Variants in DDX19B observed in about 807,000 individuals in gnomAD.
The protein encoded by DDX19B is ATP-dependent RNA helicase DDX19B.
In DDX19B, 27 loss-of-function variants were observed where a neutral mutation model predicts 58.1. That is an observed-to-expected ratio of 0.46 (90% CI 0.34 to 0.64). The LOEUF is 0.64. Ranked by LOEUF, DDX19B falls within the 30% of genes least tolerant of loss-of-function variation. The pLI, the probability that DDX19B is intolerant of heterozygous loss-of-function variation, is 0.01. For synonymous variants in DDX19B, 187 were observed against 214.4 expected, an observed-to-expected ratio of 0.87 and a Z score of 1.12; for missense variants, 399 against 596.5, an observed-to-expected ratio of 0.67 and a Z score of 3.45.
At chr16:70,294,687 G>A, upstream of DDX19B, 1 of 497,102 alleles carries the variant, frequency 2.0e-6, no homozygotes, top group Non-Finnish European at 3.4e-6. Flanking sequence ...GCTTGCGCTT[G>A]TCTTTGGCCC....
chr16:70,329,735 C>T, intron 8 of DDX19B, 96 bp from the exon 9 acceptor site: 1 of 1,530,802 alleles, frequency 6.5e-7, no homozygotes, highest in South Asian at 1.2e-5. Flanking sequence ...CTCCCATCAG[C>T]CTTCCTGGGC....
chr16:70,304,434 G>A (rs1471161412), intron 1 of DDX19B, among the ~76,000 whole-genome samples: 1 of 149,212 alleles, frequency 6.7e-6, no homozygotes, highest in Non-Finnish European at 1.5e-5. Flanking sequence ...GTGCAGTGGC[G>A]TGATCTCAGC....
chr16:70,328,700 T>C (rs1963308688), intron 7 of DDX19B, among the ~76,000 whole-genome samples: 1 of 152,096 alleles, frequency 6.6e-6, no homozygotes, highest in African/African-American at 2.4e-5. Context: ...TATTGTTGAC[T>C]GTAGTCACCA....
intron 1 of DDX19B, 67 bp downstream of exon 1, chr16:70,299,421 A>G (rs2152182031): frequency 6.6e-7 from 1 of 1,503,974 alleles, no homozygotes; most frequent in East Asian, 2.5e-5. Flanking sequence ...TCCCTGGGAA[A>G]GAATGTTTCC....
intron 1 of DDX19B, among the ~76,000 whole-genome samples, chr16:70,310,797 G>T (rs952216770): frequency 1.1e-4 from 17 of 152,004 alleles, no homozygotes; most frequent in African/African-American, 4.1e-4. Context: ...TTGGGAGGCC[G>T]AGGCAGGGAG....
At chr16:70,292,808 G>A (rs1299922993), upstream of DDX19B, among the ~76,000 whole-genome samples, 3 of 151,384 alleles carry the variant, frequency 2.0e-5, no homozygotes, top group Non-Finnish European at 2.9e-5. Context: ...AGCCTGGGCC[G>A]CAGAGTGAAA....
At chr16:70,332,463 G>C (rs1010864827) in intron 10 of DDX19B, among the ~76,000 whole-genome samples, 2 of 152,122 alleles carry the variant, frequency 1.3e-5, no homozygotes, top group African/African-American at 4.8e-5. Context: ...ACCAAGCCCA[G>C]CTAATTTTTG....
At chr16:70,332,413 G>A (rs369609764) in intron 10 of DDX19B, among the ~76,000 whole-genome samples, 25 of 152,160 alleles carry the variant, frequency 1.6e-4, no homozygotes, top group African/African-American at 4.3e-4. Flanking sequence ...TGATTCTCCC[G>A]CCTCAGCCTC....
At chr16:70,309,457 T>C (rs1961963368) in intron 1 of DDX19B, among the ~76,000 whole-genome samples, 2 of 152,072 alleles carry the variant, frequency 1.3e-5, no homozygotes, top group South Asian at 4.1e-4. Context: ...ATCACGCCAC[T>C]GCACTTCAGC....
In DDX19B at chr16:70,320,960, C is replaced by CT. The variant is rs904476486; in HGVS notation, c.389+3391dup. On this transcript the variant is annotated intron_variant, in intron 5 of 11. Transcript: ENST00000288071. ...TACAGGTATGAGGCACCACACTAGG[C>CT]TTTTTTTTTTTTTTTTTTTGAGACG... Among the ~76,000 whole-genome samples, 908 of 108,640 alleles carry CT rather than the reference C, an allele frequency of 8.4e-3. 18 individuals are homozygous for CT. Among genetic ancestry groups the CT allele is most frequent in the African/African-American group, 0.013 (371 of 29,284 alleles). The allele number at this position is 108,640 out of a possible 152,430, so 71.3% of individuals were successfully genotyped here. A position where few individuals can be genotyped will look rare whatever the true frequency, so the allele number is the denominator to read the frequency against.
intron 4 of DDX19B, among the ~76,000 whole-genome samples, chr16:70,316,367 G>A (rs971855721): frequency 4.6e-5 from 7 of 151,976 alleles, no homozygotes; most frequent in Non-Finnish European, 2.9e-5. Flanking sequence ...ACACCACCAC[G>A]CCTGGCTACT....
intron 5 of DDX19B, among the ~76,000 whole-genome samples, chr16:70,324,348 G>C (rs1169127319): frequency 8.9e-6 from 1 of 112,716 alleles, no homozygotes; most frequent in Non-Finnish European, 1.7e-5. Flanking sequence ...GGTCAACAGA[G>C]TGAGACCTAA....
chr16:70,294,984 C>G, upstream of DDX19B: 1 of 1,411,854 alleles, frequency 7.1e-7, no homozygotes, highest in South Asian at 1.5e-5. Context: ...CTCGCCCCTA[C>G]TCCTGGGTAG....
intron 1 of DDX19B, among the ~76,000 whole-genome samples, chr16:70,308,832 T>C (rs1386950779): frequency 6.6e-6 from 1 of 151,820 alleles, no homozygotes; most frequent in African/African-American, 2.4e-5. Flanking sequence ...TTTTTAAAGT[T>C]CTAGGGTGCA....
intron 3 of DDX19B, 148 bp downstream of exon 3, chr16:70,315,103 A>T: frequency 1.3e-6 from 1 of 741,522 alleles, no homozygotes; most frequent in Non-Finnish European, 2.1e-6. Flanking sequence ...GGGGCCGGGC[A>T]CGGTGGCTTA....
At chr16:70,291,836 A>AT (rs776314431), upstream of DDX19B, among the ~76,000 whole-genome samples, 2 of 151,288 alleles carry the variant, frequency 1.3e-5, no homozygotes, top group African/African-American at 2.4e-5. Context: ...ATAAATAAGA[A>AT]TTTTTTATTC....
In DDX19B at chr16:70,331,786, T is replaced by C; in HGVS notation, c.1088T>C (p.Leu363Pro). Residue 363 changes from leucine (L) to proline (P), a missense_variant, in exon 10 of 12, where the codon CTG becomes CCG. Around this residue, in one of 4 missense-constraint regions of DDX19B, gnomAD observed 198 missense variants for 345.9 expected, o/e 0.57. Coordinates refer to ENST00000288071, the MANE Select transcript of DDX19B (RefSeq NM_007242.7). ...AAAGAAGGCCACCAGGTGGCTCTGC[T>C]GAGTGGGGAGATGATGGTGGAACAG... ...LSKEGHQVAL[L>P]SGEMMVEQRA... 1 of 1,614,184 alleles carries C rather than the reference T, an allele frequency of 6.2e-7. No individual in the cohort carries two copies. The highest frequency in any genetic ancestry group is 8.5e-7 in the Non-Finnish European group (1 of 1,180,038).
At chr16:70,304,208 T>C (rs1961628183) in intron 1 of DDX19B, among the ~76,000 whole-genome samples, 1 of 151,482 alleles carries the variant, frequency 6.6e-6, no homozygotes, top group Non-Finnish European at 1.5e-5. Context: ...GCCCAGCTAA[T>C]TTTTGTATTT....
chr16:70,315,037 C>A (rs552562341), intron 3 of DDX19B, 82 bp downstream of exon 3: 177 of 1,479,238 alleles, frequency 1.2e-4, no homozygotes, highest in Non-Finnish European at 1.5e-4. Context: ...CATTTTTATA[C>A]CCAGTTTGGC....
Sources: gnomAD v4.1 joint callset for allele counts (sites outside exome capture counted in the v4.1 genomes callset) on GRCh38, gnomAD v4.1.1 for gene constraint, gnomAD v4.1.1 regional missense constraint, MANE v1.5 for transcripts, NCBI Gene and HGNC (gene_info 2026-07-23, HGNC 2026-07-21) for gene names.